The following PCDHA11 variants were observed in gnomAD, a reference collection of about 807,000 sequenced individuals.
PCDHA11 encodes the protein protocadherin alpha-11.
In PCDHA11, 61 loss-of-function variants were observed where a neutral mutation model predicts 70.3. That is an observed-to-expected ratio of 0.87 (90% confidence interval 0.71 to 1.07). The LOEUF is 1.07. PCDHA11 is among the 50% of genes least tolerant of loss of function. The probability of loss-of-function intolerance (pLI) is 0.00; values close to 1 mark genes in which losing one functional copy is unlikely to be tolerated. For missense variants in PCDHA11, 1,324 were observed against 1,237.5 expected, an observed-to-expected ratio of 1.07 and a Z score of -1.05; for synonymous variants, 633 against 555.1, an observed-to-expected ratio of 1.14 and a Z score of -1.97.
intron 1 of PCDHA11, chr5:140,877,291 C>T (rs527823173): frequency 6.2e-7 from 1 of 1,613,932 alleles, no homozygotes; most frequent in Non-Finnish European, 8.5e-7. Context: ...TAACGCTTGG[C>T]TGTCCTACGA....
intron 1 of PCDHA11, among the ~76,000 whole-genome samples, chr5:140,951,795 C>T (rs2094636851): frequency 6.6e-6 from 1 of 152,166 alleles, no homozygotes; most frequent in African/African-American, 2.4e-5. Context: ...ACAATTATCC[C>T]TTCCCAATGG....
intron 1 of PCDHA11, chr5:140,968,785 T>G: frequency 6.2e-7 from 1 of 1,614,226 alleles, no homozygotes; most frequent in Non-Finnish European, 8.5e-7. Flanking sequence ...TATCAGCCTC[T>G]GTGGCCATTA....
intron 1 of PCDHA11, chr5:140,928,156 T>G (rs1554205560): frequency 6.2e-7 from 1 of 1,614,188 alleles, no homozygotes; most frequent in East Asian, 2.2e-5. Context: ...AGATAGTGGC[T>G]CACCCCCACT....
chr5:140,950,914 T>G (rs1198787949), intron 1 of PCDHA11, among the ~76,000 whole-genome samples: 1 of 152,044 alleles, frequency 6.6e-6, no homozygotes, highest in Non-Finnish European at 1.5e-5. Context: ...TTTATTTTAT[T>G]TCAGTTCTTT....
intron 1 of PCDHA11, among the ~76,000 whole-genome samples, chr5:140,972,262 C>G (rs116021362): frequency 0.021 from 3,220 of 151,618 alleles, 50 homozygotes; most frequent in Non-Finnish European, 0.033. Context: ...ACATCAGCCT[C>G]CTGAGTAGCT....
Position 140,870,388 on chromosome 5 carries a change from G to A in PCDHA11, c.1285G>A (p.Gly429Arg), listed in dbSNP as rs1487402100. ...TGAACTGGTGGTGACTGCGCGGGAT[G>A]GGGGTTCGCCTTCTCTGTGGGCCAC... The part of the protein sequence containing the change: ...AYELVVTARD[G>R]GSPSLWATAR... The change falls in exon 1 of 4, where the codon GGG (glycine) becomes AGG (arginine). Residue 429 changes from glycine to arginine, a missense_variant. Physicochemically the swap from Gly to Arg is moderately radical, Grantham distance 125 (BLOSUM62 -2). Coordinates refer to ENST00000398640, the MANE Select transcript of PCDHA11 (RefSeq NM_018902.5). 3.1e-6 allele frequency: 5 copies of A among 1,614,232 alleles called. No homozygotes were observed. Among genetic ancestry groups the A allele is most frequent in the Non-Finnish European group, 4.2e-6 (5 of 1,180,044 alleles).
intron 3 of PCDHA11, among the ~76,000 whole-genome samples, chr5:140,990,233 G>A (rs782139012): frequency 5.3e-5 from 8 of 152,128 alleles, no homozygotes; most frequent in Non-Finnish European, 8.8e-5. Flanking sequence ...TGTAACTAGC[G>A]TTGTATTCCT....
chr5:140,983,900 G>T (rs1345141422), intron 3 of PCDHA11, among the ~76,000 whole-genome samples: 1 of 152,198 alleles, frequency 6.6e-6, no homozygotes, highest in Admixed American at 6.5e-5. Context: ...GGCATTCGTT[G>T]ATTCTAATCA....
intron 1 of PCDHA11, among the ~76,000 whole-genome samples, chr5:140,900,706 A>G (rs1279378955): frequency 6.6e-6 from 1 of 152,154 alleles, no homozygotes; most frequent in Admixed American, 6.5e-5. Flanking sequence ...GTTCTTTTGG[A>G]AAGAAAGGAA....
At chr5:140,886,680 G>A (rs1554182653) in intron 1 of PCDHA11, among the ~76,000 whole-genome samples, 1 of 151,946 alleles carries the variant, frequency 6.6e-6, no homozygotes, top group Non-Finnish European at 1.5e-5. Flanking sequence ...ACAAAAATTA[G>A]CGAGGCATGG....
At chr5:140,920,923 G>C (rs1229531762) in intron 1 of PCDHA11, among the ~76,000 whole-genome samples, 5 of 151,200 alleles carry the variant, frequency 3.3e-5, no homozygotes, top group African/African-American at 1.2e-4. Flanking sequence ...TCCAAGAGTA[G>C]GTGATCTAGC....
chr5:140,889,561 C>A (rs1170749193), intron 1 of PCDHA11, among the ~76,000 whole-genome samples: 1 of 151,898 alleles, frequency 6.6e-6, no homozygotes, highest in African/African-American at 2.4e-5. Flanking sequence ...CTTCAGAATT[C>A]TGCTTTCTGA....
rs1554205452 is a variant in PCDHA11 at position 140,928,080 on chromosome 5, C to T, written c.2392-50869C>T. ...CGGCTTCCTTTGACAACTACTACAG[C>T]CTGCTGATTGATGGGCCCCTGGACC... On this transcript the variant is annotated intron_variant, in intron 1 of 3. Transcript: ENST00000398640. The T allele has an allele frequency of 2.5e-6, 4 of 1,614,072 alleles. No homozygotes were observed. The African/African-American group carries it at 4.0e-5, about 16-fold the overall frequency.
chr5:140,966,990 G>A, intron 1 of PCDHA11: 1 of 1,604,280 alleles, frequency 6.2e-7, no homozygotes, highest in Non-Finnish European at 8.5e-7. Context: ...TTGGGGCCGG[G>A]TTGCTTGCGC....
At chr5:140,933,592 G>T (rs1034374854) in intron 1 of PCDHA11, among the ~76,000 whole-genome samples, 2 of 151,986 alleles carry the variant, frequency 1.3e-5, no homozygotes, top group Non-Finnish European at 2.9e-5. Context: ...TTTTTAGGTT[G>T]ATTTGTCTTT....
chr5:140,971,163 T>C (rs2096460132), intron 1 of PCDHA11, among the ~76,000 whole-genome samples: 1 of 152,180 alleles, frequency 6.6e-6, no homozygotes, highest in Non-Finnish European at 1.5e-5. Flanking sequence ...AGGCTCAGCT[T>C]TGCCACCAGC....
chr5:140,927,637 G>A lies in PCDHA11; in HGVS notation c.2392-51312G>A, dbSNP rs1554204838. Reference sequence around the variant, plus strand: ...CAAGGTTCCAGAGACTGCACCCAATGGGACTGTGTTATTCCGAGTTCAAGC... The same window carrying A: ...CAAGGTTCCAGAGACTGCACCCAATAGGACTGTGTTATTCCGAGTTCAAGC... On this transcript the variant is annotated intron_variant, in intron 1 of 3. Coordinates refer to ENST00000398640, the MANE Select transcript of PCDHA11 (RefSeq NM_018902.5). 3.7e-6 allele frequency: 6 copies of A among 1,614,176 alleles called. 1 individual carries two copies. In the Middle Eastern group the frequency reaches 9.9e-4, roughly 266 times the overall value.
At chr5:141,002,565 G>A (rs782803550) in intron 3 of PCDHA11, among the ~76,000 whole-genome samples, 9 of 152,196 alleles carry the variant, frequency 5.9e-5, no homozygotes, top group Non-Finnish European at 2.9e-5. Flanking sequence ...ACCAGTTAGT[G>A]ACCATGTGAC....
intron 1 of PCDHA11, among the ~76,000 whole-genome samples, chr5:140,886,184 G>T (rs894479887): frequency 6.6e-6 from 1 of 151,966 alleles, no homozygotes; most frequent in Admixed American, 6.6e-5. Flanking sequence ...GCCTAATGCT[G>T]GCAAGCAGTA....
Sources: allele counts gnomAD v4.1 joint callset (sites outside exome capture counted in the v4.1 genomes callset), GRCh38; gene constraint gnomAD v4.1.1; transcripts MANE v1.5; gene names NCBI Gene and HGNC (gene_info 2026-07-23, HGNC 2026-07-21).